Variants in VAV3 observed in about 807,000 individuals in gnomAD.
VAV3 encodes guanine nucleotide exchange factor VAV3.
Under a neutral mutation model 131.2 loss-of-function variants are expected in VAV3, and 94 were observed. The observed-to-expected ratio is 0.72, with a 90% CI of 0.61 to 0.85. The LOEUF (loss-of-function observed/expected upper bound fraction) is 0.85. VAV3 is among the 40% of genes least tolerant of loss of function. The pLI is 0.00. For missense variants in VAV3, 939 were observed against 1,002.7 expected (o/e 0.94, Z 0.86); for synonymous variants, 349 against 342.0 (o/e 1.02, Z -0.22).
intron 20 of VAV3, among the ~76,000 whole-genome samples, chr1:107,631,472 AATTTT>A (rs145831275): frequency 0.35 from 53,185 of 150,912 alleles, 9,385 homozygotes; most frequent in South Asian, 0.44. Context: ...TCTCTTTTTT[AATTTT>A]ATTTTATTAT....
At chr1:107,942,208 G>C (rs1674028234) in intron 1 of VAV3, among the ~76,000 whole-genome samples, 1 of 152,044 alleles carries the variant, frequency 6.6e-6, no homozygotes, top group Non-Finnish European at 1.5e-5. Context: ...GCTATCCCAG[G>C]GTCACCAACA....
intron 12 of VAV3, among the ~76,000 whole-genome samples, chr1:107,753,694 G>C (rs190092963): frequency 2.0e-5 from 3 of 151,304 alleles, no homozygotes; most frequent in South Asian, 2.1e-4. Flanking sequence ...CCAGTAGCTG[G>C]GACTACAGGC....
intron 20 of VAV3, among the ~76,000 whole-genome samples, chr1:107,639,379 A>T (rs1655166468): frequency 7.4e-6 from 1 of 135,664 alleles, no homozygotes; most frequent in Non-Finnish European, 1.7e-5. Flanking sequence ...TATCAAGAGA[A>T]TAAAAAAAAA....
chr1:107,590,990 C>T (rs764086718), intron 25 of VAV3, among the ~76,000 whole-genome samples: 6 of 152,120 alleles, frequency 3.9e-5, no homozygotes, highest in Non-Finnish European at 8.8e-5. Context: ...CAATACTTTC[C>T]TAGTGCAAAT....
intron 4 of VAV3, among the ~76,000 whole-genome samples, chr1:107,774,623 TA>T (rs1287499049): frequency 6.6e-6 from 1 of 152,184 alleles, no homozygotes; most frequent in Non-Finnish European, 1.5e-5. Context: ...TAAGGCCACC[TA>T]CATACGGGCA....
At chr1:107,847,136 C>G (rs1473418867) in intron 2 of VAV3, among the ~76,000 whole-genome samples, 1 of 152,140 alleles carries the variant, frequency 6.6e-6, no homozygotes, top group Non-Finnish European at 1.5e-5. Flanking sequence ...AACCACACGA[C>G]TACAAGGAAA....
At chr1:107,624,374 CTGTGTG>C (rs59476510) in intron 20 of VAV3, among the ~76,000 whole-genome samples, 19,369 of 143,162 alleles carry the variant, frequency 0.14, 1,351 homozygotes, top group South Asian at 0.23. Context: ...AGTCTTATGA[CTGTGTG>C]TGTGTGTGTG....
At chr1:107,812,381 C>A (rs189437403) in intron 2 of VAV3, among the ~76,000 whole-genome samples, 1 of 152,170 alleles carries the variant, frequency 6.6e-6, no homozygotes, top group Non-Finnish European at 1.5e-5. Flanking sequence ...TTGTGTCACA[C>A]GTGTGCCCGT....
intron 1 of VAV3, among the ~76,000 whole-genome samples, chr1:107,891,634 T>A (rs1671314088): frequency 6.6e-6 from 1 of 150,578 alleles, no homozygotes; most frequent in African/African-American, 2.4e-5. Context: ...AGGTCAGGAG[T>A]TCAAGACCAG....
intron 1 of VAV3, among the ~76,000 whole-genome samples, chr1:107,935,594 A>G (rs1040233715): frequency 2.0e-5 from 3 of 152,180 alleles, no homozygotes; most frequent in African/African-American, 7.2e-5. Context: ...TCACTCACTT[A>G]CTCATTGCAG....
chr1:107,891,433 G>A (rs756125674), intron 1 of VAV3, among the ~76,000 whole-genome samples: 39 of 151,730 alleles, frequency 2.6e-4, no homozygotes, highest in Non-Finnish European at 4.1e-4. Context: ...ACACACACAC[G>A]CACGATATAC....
chr1:107,796,286 G>A (rs1240622106), intron 2 of VAV3, among the ~76,000 whole-genome samples: 5 of 152,100 alleles, frequency 3.3e-5, no homozygotes, highest in Non-Finnish European at 7.4e-5. Context: ...TGAGTGGCAT[G>A]GGTTATTTGG....
chr1:107,851,052 GAGA>G (rs776860692), intron 2 of VAV3, among the ~76,000 whole-genome samples: 4 of 151,858 alleles, frequency 2.6e-5, no homozygotes, highest in Non-Finnish European at 5.9e-5. Flanking sequence ...AGACAGAGCT[GAGA>G]AGAAGTGCAG....
rs7340007 is a variant in VAV3, at chr1:107,749,487, G to A, written c.1367C>T (p.Pro456Leu). 2 of 1,603,160 alleles carry A rather than the reference G, an allele frequency of 1.2e-6. No individual in the cohort carries two copies. Among genetic ancestry groups the A allele is most frequent in the African/African-American group, 1.4e-5 (1 of 74,060 alleles). The part of the protein sequence containing the change: ...DLQQYKIANN[P>L]TTDKENKKWS... ...CTTTTTGTTTTCTTTATCGGTTGTA[G>A]GATTATTGGCTATCTTGTACTGCTG... The change falls in exon 14 of 27, where the codon CCT (proline) becomes CTT (leucine). Residue 456 changes from proline to leucine, a missense_variant. Pro to Leu is a moderately conservative substitution (Grantham distance 98, BLOSUM62 -3). Coordinates refer to ENST00000370056, the MANE Select transcript of VAV3 (RefSeq NM_006113.5).
chr1:107,717,247 CT>C (rs2101902079), intron 15 of VAV3, among the ~76,000 whole-genome samples: 1 of 152,270 alleles, frequency 6.6e-6, no homozygotes, highest in South Asian at 2.1e-4. Flanking sequence ...TTTAGTTCTG[CT>C]CTAATCTTAG....
Position 107,660,824 on chromosome 1 carries a change from A to C in VAV3, c.1778-18069T>G, listed in dbSNP as rs146785969. 2.4e-4 allele frequency among the ~76,000 whole-genome samples: 37 copies of C among 152,316 alleles called. No individual in the cohort carries two copies. In the East Asian group the frequency reaches 6.9e-3, roughly 29 times the overall value. On this transcript the variant is annotated intron_variant, in intron 19 of 26. Transcript: ENST00000370056. ...CAGGGAAAAGGAAAATTATACAGGC[A>C]AATATTACAAAGCATTATGTGTTTT...
At chr1:107,801,090 A>G (rs1666808111) in intron 2 of VAV3, among the ~76,000 whole-genome samples, 1 of 151,748 alleles carries the variant, frequency 6.6e-6, no homozygotes. Flanking sequence ...TGCCCACTGT[A>G]TGTTCTTGGA....
At chr1:107,699,662 G>T (rs900294359) in intron 17 of VAV3, among the ~76,000 whole-genome samples, 3 of 152,162 alleles carry the variant, frequency 2.0e-5, no homozygotes, top group African/African-American at 7.2e-5. Context: ...GCAGACCGCT[G>T]CCTGGGCATC....
At chr1:107,877,809 G>C (rs1293535945) in intron 1 of VAV3, among the ~76,000 whole-genome samples, 1 of 152,204 alleles carries the variant, frequency 6.6e-6, no homozygotes, top group Non-Finnish European at 1.5e-5. Context: ...AATTTATCAG[G>C]AGATTTTCCC....
Sources: allele counts gnomAD v4.1 joint callset (sites outside exome capture counted in the v4.1 genomes callset), GRCh38; gene constraint gnomAD v4.1.1; transcripts MANE v1.5; gene names NCBI Gene and HGNC (gene_info 2026-07-23, HGNC 2026-07-21).